CDK5RAP2: variants seen among roughly 807,000 people sequenced by gnomAD.
CDK5RAP2 encodes CDK5 regulatory subunit associated protein 2.
A neutral mutation model predicts 232.9 loss-of-function variants in CDK5RAP2; 147 were observed. The observed-to-expected ratio is 0.63, with a 90% CI of 0.55 to 0.72. CDK5RAP2 has a LOEUF of 0.72. Ranked by LOEUF, CDK5RAP2 falls within the 30% of genes least tolerant of loss-of-function variation. The probability of loss-of-function intolerance (pLI) is 0.00; values close to 1 mark genes in which losing one functional copy is unlikely to be tolerated. For missense variants in CDK5RAP2, 2,195 were observed against 2,231.5 expected (o/e 0.98, Z 0.33); for synonymous variants, 833 against 833.7 (o/e 1.00, Z 0.01).
intron 18 of CDK5RAP2, among the ~76,000 whole-genome samples, chr9:120,462,907 T>C (rs1411328306): frequency 6.6e-6 from 1 of 152,216 alleles, no homozygotes; most frequent in Non-Finnish European, 1.5e-5. Context: ...GGGGGAAGTA[T>C]ACTGATGTTT....
intron 12 of CDK5RAP2, among the ~76,000 whole-genome samples, chr9:120,497,109 A>AC (rs1202589521): frequency 7.8e-6 from 1 of 127,874 alleles, no homozygotes; most frequent in Non-Finnish European, 1.6e-5. Flanking sequence ...CTGTGACCTT[A>AC]CCCCCAACCC....
intron 14 of CDK5RAP2, among the ~76,000 whole-genome samples, chr9:120,486,316 G>C (rs926149214): frequency 2.0e-5 from 3 of 150,542 alleles, no homozygotes; most frequent in East Asian, 3.9e-4. Flanking sequence ...AAACCTGCAA[G>C]TCACAATCAG....
chr9:120,388,969 G>A lies in CDK5RAP2; in HGVS notation c.*267C>T, dbSNP rs189811873. 7 of 557,112 alleles carry A rather than the reference G, an allele frequency of 1.3e-5. No homozygotes were observed. Among genetic ancestry groups the A allele is most frequent in the South Asian group, 4.7e-5 (2 of 42,712 alleles). 34.5% of individuals were successfully genotyped at this position (557,112 alleles called of 1,614,324 possible). On this transcript the variant is annotated 3_prime_UTR_variant, in exon 38 of 38. Coordinates refer to ENST00000349780, the MANE Select transcript of CDK5RAP2 (RefSeq NM_018249.6). Reference sequence around the variant, plus strand: ...GGGAAGACGTGAAGCCCACCAAGGCGCACAGCCTCAACTCCGGTGCCTGCC... The same window carrying A: ...GGGAAGACGTGAAGCCCACCAAGGCACACAGCCTCAACTCCGGTGCCTGCC...
Position 120,571,991 on chromosome 9 carries a change from G to GC in CDK5RAP2, c.109dup (p.Ala37GlyfsTer28). 6.2e-7 allele frequency: 1 copy of GC among 1,613,514 alleles called. No homozygotes were observed. The highest frequency in any genetic ancestry group is 8.5e-7 in the Non-Finnish European group (1 of 1,179,402). ...GTACTTACGACCATTTCCCAACCCA[G>GC]CATTGGGGTTGATGCCATCCAGGTC... On this transcript the variant is annotated frameshift_variant, in exon 2 of 38. Coordinates refer to ENST00000349780, the MANE Select transcript of CDK5RAP2 (RefSeq NM_018249.6). LOFTEE classifies it high-confidence loss of function.
At chr9:120,443,444 C>A (rs1588348961) in intron 23 of CDK5RAP2, among the ~76,000 whole-genome samples, 176 bp downstream of exon 23, 1 of 152,218 alleles carries the variant, frequency 6.6e-6, no homozygotes, top group Non-Finnish European at 1.5e-5. Flanking sequence ...TACTTACCAG[C>A]TGGGTGACCC....
intron 1 of CDK5RAP2, among the ~76,000 whole-genome samples, chr9:120,572,854 C>T (rs562000612): frequency 2.0e-5 from 3 of 152,350 alleles, no homozygotes; most frequent in Admixed American, 6.5e-5. Context: ...TTGAAACCTA[C>T]AGTGCTTTAC....
At position 120,487,317 on chromosome 9, in the gene CDK5RAP2, C is replaced by A. The variant is rs774262734; in HGVS notation, c.1603G>T (p.Gly535Cys). The A allele has an allele frequency of 1.9e-6, 3 of 1,614,078 alleles. No individual in the cohort carries two copies. Among genetic ancestry groups the A allele is most frequent in the Non-Finnish European group, 1.7e-6 (2 of 1,180,008 alleles). ...TEKCSSQQPP[G>C]SKTIFSKEKK... ...ACCTTAGAGAAGATGGTTTTGCTGC[C>A]TGGTGGCTGTTGAGAAGAGCACTTT... The change falls in exon 14 of 38, where the codon GGC becomes TGC. Residue 535 changes from glycine to cysteine, a missense_variant. Gly to Cys is a radical substitution (Grantham distance 159). Coordinates refer to ENST00000349780, the MANE Select transcript of CDK5RAP2 (RefSeq NM_018249.6).
intron 17 of CDK5RAP2, 150 bp downstream of exon 17, chr9:120,469,961 G>A (rs567178645): frequency 2.6e-5 from 15 of 578,798 alleles, no homozygotes; most frequent in East Asian, 1.8e-4. Context: ...TCCAGTTAAC[G>A]GACACAGGAG....
chr9:120,519,181 AAAAAAG>A (rs1564329998), intron 11 of CDK5RAP2, among the ~76,000 whole-genome samples: 1 of 151,674 alleles, frequency 6.6e-6, no homozygotes, highest in African/African-American at 2.4e-5. Flanking sequence ...CTCAAAAAAA[AAAAAAG>A]AAAAAAAGAA....
At chr9:120,542,859 C>A (rs1588616572) in intron 5 of CDK5RAP2, among the ~76,000 whole-genome samples, 1 of 152,120 alleles carries the variant, frequency 6.6e-6, no homozygotes, top group East Asian at 1.9e-4. Flanking sequence ...CAGCGAAGTC[C>A]GTTAAGAGAC....
At chr9:120,486,275 G>A (rs970184427) in intron 14 of CDK5RAP2, among the ~76,000 whole-genome samples, 1 of 152,106 alleles carries the variant, frequency 6.6e-6, no homozygotes, top group Non-Finnish European at 1.5e-5. Flanking sequence ...TGTTGTACCA[G>A]TTGTTAATTA....
chr9:120,484,477 T>C (rs770055902), intron 14 of CDK5RAP2, among the ~76,000 whole-genome samples: 10 of 151,920 alleles, frequency 6.6e-5, no homozygotes, highest in Non-Finnish European at 1.5e-5. Flanking sequence ...ATCCCAGCAA[T>C]TTGGGAGGAT....
chr9:120,394,485 A>G, intron 36 of CDK5RAP2, 27 bp downstream of exon 36: 1 of 1,613,982 alleles, frequency 6.2e-7, no homozygotes, highest in South Asian at 1.1e-5. Flanking sequence ...GTGGTCAGGC[A>G]TAGCGGCCAC....
chr9:120,572,969 A>AGG (rs1209527379), intron 1 of CDK5RAP2, among the ~76,000 whole-genome samples: 2 of 152,260 alleles, frequency 1.3e-5, no homozygotes, highest in Non-Finnish European at 2.9e-5. Context: ...TGTCCTAGCC[A>AGG]GGGTCACATG....
chr9:120,563,623 C>CAACCCATTT (rs1338653302), intron 3 of CDK5RAP2, among the ~76,000 whole-genome samples: 1 of 152,170 alleles, frequency 6.6e-6, no homozygotes, highest in Non-Finnish European at 1.5e-5. Flanking sequence ...GTTTTAGAAG[C>CAACCCATTT]AACCCATTTA....
intron 14 of CDK5RAP2, among the ~76,000 whole-genome samples, chr9:120,483,285 T>A (rs2038422289): frequency 6.6e-6 from 1 of 152,176 alleles, no homozygotes; most frequent in Non-Finnish European, 1.5e-5. Flanking sequence ...CCAGGAAGAC[T>A]CCTCTCCTTT....
intron 26 of CDK5RAP2, among the ~76,000 whole-genome samples, chr9:120,421,711 T>C (rs1387038091): frequency 6.6e-6 from 1 of 152,230 alleles, no homozygotes; most frequent in East Asian, 1.9e-4. Context: ...AATTATACAA[T>C]TCATGTATTC....
At chr9:120,550,169 C>A (rs1053437490) in intron 4 of CDK5RAP2, among the ~76,000 whole-genome samples, 1 of 152,204 alleles carries the variant, frequency 6.6e-6, no homozygotes, top group Non-Finnish European at 1.5e-5. Context: ...CAGACAAAGA[C>A]CTGCAGGTCA....
At position 120,580,088 on chromosome 9, in the gene CDK5RAP2, C is replaced by T. The variant is rs1587955979; in HGVS notation, c.-110G>A. 4.6e-6 allele frequency: 3 copies of T among 645,336 alleles called. No individual in the cohort carries two copies. Among genetic ancestry groups the T allele is most frequent in the East Asian group, 2.9e-5 (1 of 34,216 alleles). The allele number at this position is 645,336 out of a possible 1,614,324, so 40.0% of individuals were successfully genotyped here. On this transcript the variant is annotated 5_prime_UTR_variant, in exon 1 of 38. Transcript: ENST00000349780. Reference sequence around the variant, plus strand: ...GGTCCCCGCCCCCTCCACCCCAGCTCTTGTTCAGACTCTGGCGGCGCCGCT... The same window carrying T: ...GGTCCCCGCCCCCTCCACCCCAGCTTTTGTTCAGACTCTGGCGGCGCCGCT...
Sources: gnomAD v4.1 joint callset for allele counts (sites outside exome capture counted in the v4.1 genomes callset) on GRCh38, gnomAD v4.1.1 for gene constraint, MANE v1.5 for transcripts, NCBI Gene and HGNC (gene_info 2026-07-23, HGNC 2026-07-21) for gene names.